Variants in FCN2 observed in about 807,000 individuals in gnomAD.
FCN2 encodes the protein ficolin-2.
FCN2 carries 31 observed loss-of-function variants against 32.5 expected under a neutral mutation model. That is an observed-to-expected ratio of 0.96 (90% CI 0.72 to 1.29). FCN2 has a LOEUF of 1.29. Ranked by LOEUF, FCN2 falls within the 50% of genes most tolerant of loss-of-function variation. FCN2 has a pLI of 0.00. For synonymous variants in FCN2, 181 were observed against 164.5 expected (o/e 1.10, Z -0.77); for missense variants, 412 against 406.5 (o/e 1.01, Z -0.12).
At chr9:134,874,627 C>A in the FCN2 span, among the ~76,000 whole-genome samples, 1 of 152,112 alleles carries the variant, frequency 6.6e-6, no homozygotes, top group African/African-American at 2.4e-5. Context: ...TATAATAATT[C>A]TTGAAATTAG....
At chr9:134,873,100 G>A in the FCN2 span, among the ~76,000 whole-genome samples, 2 of 146,594 alleles carry the variant, frequency 1.4e-5, no homozygotes, top group Admixed American at 6.9e-5. Flanking sequence ...CTTTCACATT[G>A]TGTGCCTGTT....
chr9:134,885,223 C>G lies in FCN2; in HGVS notation c.302-16C>G, dbSNP rs781312521. On this transcript the variant is annotated splice_polypyrimidine_tract_variant and intron_variant, in intron 4 of 7. Transcript: ENST00000291744. ...GGGCTCCTGTCCTGCAGCCATTCCC[C>G]GGGTTCCCTTCCCAGGCCCGCGTAC... The G allele has an allele frequency of 6.2e-7, 1 of 1,614,012 alleles. No individual in the cohort carries two copies. The highest frequency in any genetic ancestry group is 8.5e-7 in the Non-Finnish European group (1 of 1,179,988).
rs1243140210 is a variant in FCN2, at chr9:134,880,913, C to T, written c.92C>T (p.Thr31Ile). The stretch of plus-strand genomic sequence containing the variant: ...GCCTGGGCTCTCCAGGCGGCAGACA[C>T]CTGTCCAGGTAAGGGCACTCCAGGG... ...GMAWALQAAD[T>I]CPEVKMVGLE... Residue 31 changes from threonine (T) to isoleucine (I), a missense_variant, in exon 1 of 8, where the codon ACC (threonine) becomes ATC (isoleucine). By Grantham distance (89) the Thr-to-Ile change is moderately conservative (BLOSUM62 -1). Coordinates refer to ENST00000291744, the MANE Select transcript of FCN2 (RefSeq NM_004108.3). 1.2e-6 allele frequency: 2 copies of T among 1,612,410 alleles called. No individual in the cohort carries two copies. The highest frequency in any genetic ancestry group is 1.7e-5 in the Admixed American group (1 of 59,976).
intron 7 of FCN2, 41 bp downstream of exon 7, chr9:134,886,605 G>T (rs746724223): frequency 5.0e-6 from 8 of 1,611,146 alleles, no homozygotes; most frequent in Non-Finnish European, 6.8e-6. Context: ...GGCTTCTGAG[G>T]GGGGTTTGGG....
intron 4 of FCN2, 81 bp downstream of exon 4, chr9:134,884,853 A>G: frequency 7.9e-7 from 1 of 1,265,080 alleles, no homozygotes; most frequent in Non-Finnish European, 1.1e-6. Context: ...CGCCATTGCC[A>G]GAATGAAGTG....
the FCN2 span, among the ~76,000 whole-genome samples, chr9:134,871,552 G>A: frequency 6.6e-6 from 1 of 152,320 alleles, no homozygotes; most frequent in East Asian, 1.9e-4. Context: ...CCCCTCTCTG[G>A]CTCTGGGGCC....
chr9:134,885,091 G>A lies in FCN2; in HGVS notation c.302-148G>A, dbSNP rs543041864. On this transcript the variant is annotated intron_variant, in intron 4 of 7. Coordinates refer to ENST00000291744, the MANE Select transcript of FCN2 (RefSeq NM_004108.3). ...CGGCCATCACAGCTGCGTGGCCCTG[G>A]GGGCCGTGTCCCTGTCCAGGCCTCA... 47 of 1,189,908 alleles carry A rather than the reference G, an allele frequency of 3.9e-5. No individual in the cohort carries two copies. In the South Asian group the frequency reaches 5.9e-4, roughly 15 times the overall value. The allele number at this position is 1,189,908 out of a possible 1,614,324, so 73.7% of individuals were successfully genotyped here. A position where few individuals can be genotyped will look rare whatever the true frequency, so the allele number is the denominator to read the frequency against.
At chr9:134,878,113 T>G (rs1393398048), upstream of FCN2, among the ~76,000 whole-genome samples, 1 of 152,170 alleles carries the variant, frequency 6.6e-6, no homozygotes, top group Non-Finnish European at 1.5e-5. Context: ...AGACTCCGAG[T>G]TCTTCAGTTT....
At chr9:134,879,493 C>G (rs1194370065), upstream of FCN2, among the ~76,000 whole-genome samples, 1 of 152,126 alleles carries the variant, frequency 6.6e-6, no homozygotes, top group South Asian at 2.1e-4. Flanking sequence ...GGACCTGGCT[C>G]CTCTGCAGGT....
At chr9:134,886,269 G>A (rs1244644288) in intron 6 of FCN2, among the ~76,000 whole-genome samples, 161 bp from the exon 7 acceptor site, 1 of 152,146 alleles carries the variant, frequency 6.6e-6, no homozygotes, top group Non-Finnish European at 1.5e-5. Context: ...AGCACACCCT[G>A]CCGGGTCAGA....
At chr9:134,873,252 C>G in the FCN2 span, among the ~76,000 whole-genome samples, 4 of 152,180 alleles carry the variant, frequency 2.6e-5, no homozygotes, top group South Asian at 4.2e-4. Context: ...AACTTAGAGG[C>G]TTACAATCAC....
chr9:134,886,746 A>G (rs1830764281), intron 7 of FCN2, among the ~76,000 whole-genome samples, 182 bp downstream of exon 7: 1 of 152,190 alleles, frequency 6.6e-6, no homozygotes, highest in Non-Finnish European at 1.5e-5. Context: ...CATGGGACAC[A>G]TCAGTGTATG....
chr9:134,886,529 A>G lies in FCN2; in HGVS notation c.659A>G (p.Asn220Ser), dbSNP rs369154059. 1 of 1,613,972 alleles carries G rather than the reference A, an allele frequency of 6.2e-7. No homozygotes were observed. The highest frequency in any genetic ancestry group is 1.3e-5 in the African/African-American group (1 of 74,912). ...GTGGCCGACGAGGCGGAGAAGTACA[A>G]TCTGGTCCTGGGGGCCTTCGTGGAG... ...FKVADEAEKY[N>S]LVLGAFVEGS... The change falls in exon 7 of 8, where the codon AAT becomes AGT. Residue 220 changes from asparagine (N) to serine (S), a missense_variant. Asn to Ser is a conservative substitution (Grantham distance 46). Transcript: ENST00000291744.
At chr9:134,885,974 G>A (rs946519130) in intron 6 of FCN2, 77 bp downstream of exon 6, 6 of 1,451,632 alleles carry the variant, frequency 4.1e-6, no homozygotes, top group Non-Finnish European at 5.6e-6. Context: ...GGGCTGCCTG[G>A]AACACAAGAG....
At chr9:134,875,435 C>T in the FCN2 span, among the ~76,000 whole-genome samples, 1 of 152,122 alleles carries the variant, frequency 6.6e-6, no homozygotes, top group Non-Finnish European at 1.5e-5. Flanking sequence ...GTCCCCACCC[C>T]CCTTGAGTGT....
At chr9:134,864,676 C>G in the FCN2 span, among the ~76,000 whole-genome samples, 4 of 152,180 alleles carry the variant, frequency 2.6e-5, no homozygotes, top group Non-Finnish European at 5.9e-5. Flanking sequence ...GAGTCAGCCC[C>G]CCGGTGGGTA....
At chr9:134,874,780 CAGA>C in the FCN2 span, among the ~76,000 whole-genome samples, 1 of 152,132 alleles carries the variant, frequency 6.6e-6, no homozygotes, top group Non-Finnish European at 1.5e-5. Flanking sequence ...GTTGCATCTG[CAGA>C]TCAATTTGGG....
chr9:134,883,401 A>G, intron 3 of FCN2, 46 bp downstream of exon 3: 1 of 1,549,288 alleles, frequency 6.5e-7, no homozygotes, highest in Non-Finnish European at 8.9e-7. Flanking sequence ...GCCCTTCCAG[A>G]CCTGGCTGCA....
the FCN2 span, among the ~76,000 whole-genome samples, chr9:134,871,475 T>G: frequency 4.8e-3 from 737 of 152,334 alleles, 8 homozygotes; most frequent in African/African-American, 0.017. Flanking sequence ...GGCTGGGCTG[T>G]GCCGCCGCTG....
Sources: gnomAD v4.1 joint callset for allele counts (sites outside exome capture counted in the v4.1 genomes callset) on GRCh38, gnomAD v4.1.1 for gene constraint, MANE v1.5 for transcripts, NCBI Gene and HGNC (gene_info 2026-07-23, HGNC 2026-07-21) for gene names.